SKIC2: variants seen among roughly 807,000 people sequenced by gnomAD.
The protein encoded by SKIC2 is SKI2 subunit of superkiller complex.
At chr6:31,961,798 C>T in the SKIC2 span, 1 of 1,551,310 alleles carries the variant, frequency 6.4e-7, no homozygotes, top group East Asian at 2.3e-5. Flanking sequence ...GTACTCAGTC[C>T]CAGCCTCGGC....
At chr6:31,965,981 C>T in the SKIC2 span, 1 of 1,608,026 alleles carries the variant, frequency 6.2e-7, no homozygotes, top group Middle Eastern at 1.7e-4. This position sits in a 1 kb window ranked among gnomAD's most constrained non-coding sequence, Gnocchi z 5.6. Context: ...GGGCCGAGTG[C>T]CCGAGATGGC....
chr6:31,967,112 G>A, the SKIC2 span: 2 of 1,612,084 alleles, frequency 1.2e-6, no homozygotes, highest in African/African-American at 2.7e-5. This position sits in a 1 kb window ranked among gnomAD's most constrained non-coding sequence, Gnocchi z 4.9. Flanking sequence ...CTGGGGGGAG[G>A]AACTGACAGA....
chr6:31,960,775 G>A, the SKIC2 span: 1 of 1,462,520 alleles, frequency 6.8e-7, no homozygotes, highest in Non-Finnish European at 9.2e-7. Context: ...CCTTGAGGAG[G>A]AAGAGCCCAG....
the SKIC2 span, chr6:31,963,101 GT>G: frequency 6.3e-7 from 1 of 1,589,162 alleles, no homozygotes; most frequent in Non-Finnish European, 8.6e-7. The surrounding 1 kb of genome is among the most constrained non-coding windows in gnomAD (Gnocchi z 5.3). Context: ...GGTGAGACGT[GT>G]GTCCCGGGTT....
chr6:31,968,868 C>T, the SKIC2 span: 1 of 1,612,304 alleles, frequency 6.2e-7, no homozygotes, highest in Non-Finnish European at 8.5e-7. This position sits in a 1 kb window ranked among gnomAD's most constrained non-coding sequence, Gnocchi z 6.1. Context: ...CTTTTTCTTG[C>T]AGGTGCTCCG....
chr6:31,962,047 A>C, the SKIC2 span: 2 of 1,612,976 alleles, frequency 1.2e-6, no homozygotes, highest in Non-Finnish European at 1.7e-6. This position sits in a 1 kb window ranked among gnomAD's most constrained non-coding sequence, Gnocchi z 5.0. Context: ...CCAGAAACAC[A>C]TGACACGGTA....
chr6:31,968,682 G>A, the SKIC2 span: 1 of 1,610,094 alleles, frequency 6.2e-7, no homozygotes, highest in Non-Finnish European at 8.5e-7. The surrounding 1 kb of genome is among the most constrained non-coding windows in gnomAD (Gnocchi z 6.1). Context: ...GTGGCTCTCT[G>A]CAGTACCTGA....
chr6:31,961,614 C>T, the SKIC2 span: 2 of 1,613,068 alleles, frequency 1.2e-6, no homozygotes, highest in South Asian at 1.1e-5. Flanking sequence ...TGGGCCATCC[C>T]TGTGGACGCC....
At chr6:31,962,882 C>T in the SKIC2 span, 1 of 1,301,058 alleles carries the variant, frequency 7.7e-7, no homozygotes, top group Non-Finnish European at 1.1e-6. This position sits in a 1 kb window ranked among gnomAD's most constrained non-coding sequence, Gnocchi z 5.0. Flanking sequence ...ACACTCAGGG[C>T]CCCTTACTGC....
At chr6:31,962,971 C>T in the SKIC2 span, 16 of 1,596,906 alleles carry the variant, frequency 1.0e-5, no homozygotes, top group Admixed American at 1.7e-5. The surrounding 1 kb of genome is among the most constrained non-coding windows in gnomAD (Gnocchi z 5.0). Context: ...CCTCCCTTCC[C>T]TCTCTGTGCC....
chr6:31,964,449 G>A, the SKIC2 span: 2 of 793,068 alleles, frequency 2.5e-6, no homozygotes, highest in Non-Finnish European at 4.3e-6. The surrounding 1 kb of genome is among the most constrained non-coding windows in gnomAD (Gnocchi z 5.0). Context: ...CTGTGGTTAA[G>A]AATCTGGGCT....
At chr6:31,966,075 G>A in the SKIC2 span, 9 of 1,060,540 alleles carry the variant, frequency 8.5e-6, no homozygotes, top group Admixed American at 2.7e-5. The surrounding 1 kb of genome is among the most constrained non-coding windows in gnomAD (Gnocchi z 5.9). Context: ...TTCTGTCTTC[G>A]ATTCTCCTCT....
the SKIC2 span, chr6:31,961,774 C>T: frequency 1.9e-6 from 3 of 1,547,336 alleles, no homozygotes; most frequent in Non-Finnish European, 2.6e-6. Context: ...CAGATCCATC[C>T]CAGGCCAGTC....
the SKIC2 span, among the ~76,000 whole-genome samples, chr6:31,964,964 A>G: frequency 1.3e-5 from 2 of 152,134 alleles, no homozygotes; most frequent in African/African-American, 2.4e-5. The surrounding 1 kb of genome is among the most constrained non-coding windows in gnomAD (Gnocchi z 5.0). Flanking sequence ...CTAAAAATAC[A>G]AAAATTAGCT....
At chr6:31,962,420 C>T in the SKIC2 span, 1 of 1,613,638 alleles carries the variant, frequency 6.2e-7, no homozygotes, top group Non-Finnish European at 8.5e-7. The surrounding 1 kb of genome is among the most constrained non-coding windows in gnomAD (Gnocchi z 5.0). Flanking sequence ...GACTGGCTAA[C>T]TTCATGCTCT....
the SKIC2 span, chr6:31,960,630 A>G: frequency 6.3e-6 from 10 of 1,583,318 alleles, no homozygotes; most frequent in Non-Finnish European, 8.6e-6. Context: ...TATTACCCTC[A>G]TCCCATGAAT....
At chr6:31,959,237 G>A in the SKIC2 span, 51 of 1,608,388 alleles carry the variant, frequency 3.2e-5, no homozygotes, top group Non-Finnish European at 4.2e-5. Flanking sequence ...GGAGGGAAAT[G>A]GAACGGAGTA....
At chr6:31,959,197 T>C in the SKIC2 span, 15 of 1,609,556 alleles carry the variant, frequency 9.3e-6, no homozygotes, top group South Asian at 9.9e-5. Context: ...TCCAGGATGA[T>C]GGAGACAGAG....
chr6:31,963,886 T>TCCTTCC, the SKIC2 span: 4 of 1,588,538 alleles, frequency 2.5e-6, no homozygotes, highest in Non-Finnish European at 3.4e-6. This position sits in a 1 kb window ranked among gnomAD's most constrained non-coding sequence, Gnocchi z 5.3. Flanking sequence ...CAACCTCTGC[T>TCCTTCC]CCTTCCCCTT....
Sources: gnomAD v4.1 joint callset for allele counts (sites outside exome capture counted in the v4.1 genomes callset) on GRCh38, gnomAD v4.1.1 for gene constraint, Gnocchi (gnomAD v3.1) non-coding constraint, MANE v1.5 for transcripts, NCBI Gene and HGNC (gene_info 2026-07-23, HGNC 2026-07-21) for gene names.